Variants in HSD17B13 observed in about 807,000 individuals in gnomAD.
HSD17B13 encodes 17-beta-hydroxysteroid dehydrogenase 13.
A neutral mutation model predicts 31.1 loss-of-function variants in HSD17B13; 26 were observed. The ratio of observed to expected loss-of-function variants is 0.84; its 90% CI spans 0.61 to 1.16. HSD17B13 has a LOEUF of 1.16. Among genes scored for constraint, HSD17B13 ranks in the 50% most tolerant of loss-of-function variants. The pLI, the probability that HSD17B13 is intolerant of heterozygous loss-of-function variation, is 0.00. For missense variants in HSD17B13, 374 were observed against 366.5 expected (o/e 1.02, Z -0.17); for synonymous variants, 141 against 133.7 (o/e 1.05, Z -0.38).
chr4:87,308,457 G>T (rs1054727031), intron 6 of HSD17B13, among the ~76,000 whole-genome samples: 1 of 112,676 alleles, frequency 8.9e-6, no homozygotes, highest in Non-Finnish European at 1.7e-5. Context: ...AGACCATCCT[G>T]GCTAACAGGG....
At chr4:87,321,179 AC>A (rs899983958) in intron 1 of HSD17B13, among the ~76,000 whole-genome samples, 2 of 151,834 alleles carry the variant, frequency 1.3e-5, no homozygotes, top group Non-Finnish European at 2.9e-5. Context: ...ACGGGTGTGC[AC>A]CCCCGCACCC....
At chr4:87,318,751 T>C (rs903900284) in intron 1 of HSD17B13, among the ~76,000 whole-genome samples, 2 of 138,762 alleles carry the variant, frequency 1.4e-5, no homozygotes, top group Admixed American at 1.6e-4. Flanking sequence ...TGAGTGGAGA[T>C]AGTGCCACTG....
At chr4:87,307,097 G>A (rs1385734960) in intron 6 of HSD17B13, among the ~76,000 whole-genome samples, 2 of 151,956 alleles carry the variant, frequency 1.3e-5, no homozygotes, top group Non-Finnish European at 2.9e-5. Flanking sequence ...GGAAGATCTG[G>A]CTGAAAGAAG....
chr4:87,306,842 G>A (rs756659774), intron 6 of HSD17B13, among the ~76,000 whole-genome samples: 2 of 145,184 alleles, frequency 1.4e-5, no homozygotes, highest in Non-Finnish European at 1.5e-5. Flanking sequence ...AGGAGGTGGA[G>A]GTTACAGTGA....
At chr4:87,308,869 A>G (rs1734454413) in intron 6 of HSD17B13, among the ~76,000 whole-genome samples, 1 of 151,572 alleles carries the variant, frequency 6.6e-6, no homozygotes, top group Non-Finnish European at 1.5e-5. Context: ...TGTAGCTATT[A>G]AAGAAATTAA....
At chr4:87,312,920 C>G (rs1734566490) in intron 5 of HSD17B13, among the ~76,000 whole-genome samples, 1 of 151,156 alleles carries the variant, frequency 6.6e-6, no homozygotes. Flanking sequence ...ATTAGCCAGG[C>G]GTGGTGGTGG....
Position 87,315,602 on chromosome 4 carries a change from T to G in HSD17B13, c.451-3A>C. 6.4e-7 allele frequency: 1 copy of G among 1,565,140 alleles called. No homozygotes were observed. Among genetic ancestry groups the G allele is most frequent in the Non-Finnish European group, 8.8e-7 (1 of 1,139,944 alleles). On this transcript the variant is annotated splice_region_variant and splice_polypyrimidine_tract_variant and intron_variant, in intron 3 of 6. Coordinates refer to ENST00000328546, the MANE Select transcript of HSD17B13 (RefSeq NM_178135.5). ...GATGGAAGAAGTGCTTTTGTGATCT[T>G]AAGGATCATTGCAGAAAGAAGAAAG...
At chr4:87,309,909 C>T (rs868557784) in intron 6 of HSD17B13, among the ~76,000 whole-genome samples, 1 of 152,082 alleles carries the variant, frequency 6.6e-6, no homozygotes, top group Admixed American at 6.6e-5. Flanking sequence ...ACTGTAATCC[C>T]AGCACTTTGG....
At chr4:87,313,741 T>C in intron 5 of HSD17B13, 82 bp downstream of exon 5, 3 of 1,101,946 alleles carry the variant, frequency 2.7e-6, no homozygotes, top group Non-Finnish European at 3.9e-6. Flanking sequence ...CTTCTATTAG[T>C]TGGCCTGCCT....
At chr4:87,317,672 G>T (rs1442974506) in intron 2 of HSD17B13, among the ~76,000 whole-genome samples, 1 of 141,246 alleles carries the variant, frequency 7.1e-6, no homozygotes, top group Non-Finnish European at 1.5e-5. Flanking sequence ...GCCTCACAAA[G>T]TGCTGGGATT....
intron 4 of HSD17B13, among the ~76,000 whole-genome samples, chr4:87,314,529 A>G (rs892747440): frequency 2.0e-5 from 3 of 152,066 alleles, no homozygotes; most frequent in Non-Finnish European, 4.4e-5. Context: ...CAAATACAGC[A>G]GTACATCCTT....
rs1734338881 is a variant in HSD17B13 at position 87,304,332 on chromosome 4, A to ACAAAG, written c.*885_*886insCTTTG. 1.3e-5 allele frequency: 2 copies of ACAAAG among 156,596 alleles called. No individual in the cohort carries two copies. Among genetic ancestry groups the ACAAAG allele is most frequent in the Non-Finnish European group, 2.8e-5 (2 of 71,800 alleles). The allele number at this position is 156,596 out of a possible 1,614,324, so 9.7% of individuals were successfully genotyped here. A position where few individuals can be genotyped will look rare whatever the true frequency, so the allele number is the denominator to read the frequency against. Reference sequence around the variant, plus strand: ...TCAAAAAAACAAAAAACAAAACAAAACAAAACAAAAACCAAAAAACCTTTC... The same window carrying ACAAAG: ...TCAAAAAAACAAAAAACAAAACAAAACAAAGCAAAACAAAAACCAAAAAACCTTTC... On this transcript the variant is annotated 3_prime_UTR_variant, in exon 7 of 7. Coordinates refer to ENST00000328546, the MANE Select transcript of HSD17B13 (RefSeq NM_178135.5).
At chr4:87,312,000 CA>C (rs1055262989) in intron 5 of HSD17B13, among the ~76,000 whole-genome samples, 20 of 152,272 alleles carry the variant, frequency 1.3e-4, no homozygotes, top group African/African-American at 4.8e-4. Flanking sequence ...TCTATAAAAT[CA>C]ATCCCAAATA....
intron 2 of HSD17B13, among the ~76,000 whole-genome samples, chr4:87,317,436 CCAGCA>C (rs1359122523): frequency 8.6e-5 from 13 of 151,934 alleles, no homozygotes; most frequent in African/African-American, 3.1e-4. Context: ...ATTTCAGTAC[CCAGCA>C]CATCATGTTT....
At chr4:87,311,254 T>C (rs1019840511) in intron 5 of HSD17B13, among the ~76,000 whole-genome samples, 4 of 152,190 alleles carry the variant, frequency 2.6e-5, no homozygotes, top group Non-Finnish European at 5.9e-5. Flanking sequence ...AATCAAGAAG[T>C]AACTCTAAAT....
intron 6 of HSD17B13, among the ~76,000 whole-genome samples, chr4:87,305,809 C>A (rs903985556): frequency 1.2e-4 from 18 of 152,154 alleles, no homozygotes; most frequent in African/African-American, 4.3e-4. Flanking sequence ...TATTAGAAGT[C>A]AGCCCAATTA....
At chr4:87,306,697 G>A (rs1450687482) in intron 6 of HSD17B13, among the ~76,000 whole-genome samples, 1 of 151,988 alleles carries the variant, frequency 6.6e-6, no homozygotes, top group African/African-American at 2.4e-5. Flanking sequence ...ATGAGGTCAG[G>A]AGTTCGAGAC....
intron 2 of HSD17B13, among the ~76,000 whole-genome samples, chr4:87,317,868 AG>A (rs1403807200): frequency 6.6e-6 from 1 of 152,118 alleles, no homozygotes; most frequent in Non-Finnish European, 1.5e-5. Context: ...TAGAGTGCTT[AG>A]TTCATTGTGA....
chr4:87,312,748 AC>A (rs1734562494), intron 5 of HSD17B13, among the ~76,000 whole-genome samples: 1 of 150,998 alleles, frequency 6.6e-6, no homozygotes, highest in Non-Finnish European at 1.5e-5. Flanking sequence ...AGCCAGGATG[AC>A]CTTTAATTCT....
Sources: allele counts gnomAD v4.1 joint callset (sites outside exome capture counted in the v4.1 genomes callset), GRCh38; gene constraint gnomAD v4.1.1; transcripts MANE v1.5; gene names NCBI Gene and HGNC (gene_info 2026-07-23, HGNC 2026-07-21).